The following FMN1 variants were observed in gnomAD, a reference collection of about 807,000 sequenced individuals.
FMN1 encodes formin 1, also known as formin-1.
Under a neutral mutation model 132.4 loss-of-function variants are expected in FMN1, and 110 were observed. That is an observed-to-expected ratio of 0.83 (90% confidence interval 0.71 to 0.97). The LOEUF (loss-of-function observed/expected upper bound fraction) is 0.97, where lower values mean the gene tolerates loss of function less well. FMN1 is among the 50% of genes least tolerant of loss of function. The pLI is 0.00. For synonymous variants in FMN1, 722 were observed against 651.7 expected (o/e 1.11, Z -1.64); for missense variants, 1,792 against 1,705.3 (o/e 1.05, Z -0.90).
At chr15:32,952,220 T>C (rs1032678542) in intron 9 of FMN1, among the ~76,000 whole-genome samples, 3 of 152,204 alleles carry the variant, frequency 2.0e-5, no homozygotes, top group Non-Finnish European at 4.4e-5. Flanking sequence ...GCCTCTCCAA[T>C]GTCTTACTAA....
chr15:32,949,184 T>C (rs2061571113), intron 9 of FMN1, among the ~76,000 whole-genome samples: 1 of 151,892 alleles, frequency 6.6e-6, no homozygotes, highest in African/African-American at 2.4e-5. Flanking sequence ...AATAAGGAAG[T>C]TTTTCCATTT....
chr15:33,092,434 C>T (rs1332034386), intron 4 of FMN1, among the ~76,000 whole-genome samples: 1 of 152,168 alleles, frequency 6.6e-6, no homozygotes, highest in Non-Finnish European at 1.5e-5. Context: ...TTTCCCCTGC[C>T]ACGTGACTTC....
intron 4 of FMN1, among the ~76,000 whole-genome samples, chr15:33,118,726 C>G (rs960765341): frequency 6.6e-6 from 1 of 151,984 alleles, no homozygotes; most frequent in African/African-American, 2.4e-5. Flanking sequence ...AATATTTTCA[C>G]CTATTTTGGT....
At chr15:32,964,326 TTCTC>T in intron 8 of FMN1, 69 bp from the exon 9 acceptor site, 1 of 1,074,228 alleles carries the variant, frequency 9.3e-7, no homozygotes, top group South Asian at 2.0e-5. Context: ...AATGAAATCT[TTCTC>T]TAATCCATTT....
intron 6 of FMN1, among the ~76,000 whole-genome samples, chr15:33,009,806 T>C (rs2034610075): frequency 6.6e-6 from 1 of 152,210 alleles, no homozygotes; most frequent in Non-Finnish European, 1.5e-5. Flanking sequence ...GGTGAATGCA[T>C]AAACAAATGA....
intron 4 of FMN1, among the ~76,000 whole-genome samples, chr15:33,100,223 T>TAAAA: frequency 8.7e-6 from 1 of 115,444 alleles, no homozygotes; most frequent in South Asian, 2.8e-4. Flanking sequence ...ACTTTCACAG[T>TAAAA]AAAAAAAAAA....
Position 33,100,304 on chromosome 15 carries a change from T to C in FMN1, c.1868-11330A>G, listed in dbSNP as rs986191107. 1.7e-4 allele frequency among the ~76,000 whole-genome samples: 26 copies of C among 150,274 alleles called. 1 individual carries two copies. The highest frequency in any genetic ancestry group is 1.7e-3 in the Admixed American group (25 of 15,084). The stretch of plus-strand genomic sequence containing the variant: ...TATAGTATATGAATGCCTCAATAAA[T>C]GAATGTCCTCATATCAATATTAAGA... On this transcript the variant is annotated intron_variant, in intron 4 of 20. Coordinates refer to ENST00000616417, the MANE Select transcript of FMN1 (RefSeq NM_001277313.2).
intron 10 of FMN1, among the ~76,000 whole-genome samples, chr15:32,925,715 G>A (rs1028011932): frequency 8.5e-5 from 13 of 152,134 alleles, no homozygotes; most frequent in African/African-American, 3.1e-4. Flanking sequence ...GAGTAACTAC[G>A]ATTAATGTCT....
intron 4 of FMN1, among the ~76,000 whole-genome samples, chr15:33,121,580 G>A (rs1326732665): frequency 6.6e-6 from 1 of 152,200 alleles, no homozygotes; most frequent in Non-Finnish European, 1.5e-5. Flanking sequence ...CCAGGGTAGA[G>A]TGCAGTGGCG....
chr15:32,910,519 A>G lies in FMN1; in HGVS notation c.3243T>C (p.Asp1081=), dbSNP rs761756231. The G allele has an allele frequency of 1.3e-6, 2 of 1,574,700 alleles. No individual in the cohort carries two copies. The highest frequency in any genetic ancestry group is 3.7e-5 in the Admixed American group (2 of 54,206). ...GGGTCTCCAGATCAACCACGGAGTC[A>G]TCCACATTGAAAATGGCTGCCAAGC... is the stretch of plus-strand genomic sequence containing the variant. ...KDIQQAIFNV[D]DSVVDLETLA... is the part of the protein sequence containing the mutation. Residue 1081 remains aspartate, a synonymous_variant, in exon 11 of 21, where the codon GAT becomes GAC. Transcript: ENST00000616417.
At chr15:32,825,783 T>C (rs1207418949) in intron 17 of FMN1, among the ~76,000 whole-genome samples, 1 of 152,226 alleles carries the variant, frequency 6.6e-6, no homozygotes, top group African/African-American at 2.4e-5. Context: ...CTGTTTAGGA[T>C]TGGCTCTCCT....
At chr15:32,883,158 G>A (rs2059810922) in intron 16 of FMN1, among the ~76,000 whole-genome samples, 1 of 152,162 alleles carries the variant, frequency 6.6e-6, no homozygotes, top group African/African-American at 2.4e-5. Flanking sequence ...GTAATAGGAA[G>A]AGAAAAGGAC....
At chr15:33,188,966 G>A (rs1291194013) in intron 2 of FMN1, among the ~76,000 whole-genome samples, 1 of 152,096 alleles carries the variant, frequency 6.6e-6, no homozygotes, top group African/African-American at 2.4e-5. Flanking sequence ...AAGAGTTACT[G>A]TTGCTTGCTG....
intron 9 of FMN1, among the ~76,000 whole-genome samples, chr15:32,949,474 T>G (rs953038095): frequency 6.6e-6 from 1 of 152,140 alleles, no homozygotes; most frequent in Non-Finnish European, 1.5e-5. Context: ...ATTCAATAAA[T>G]GGTCCTAGGA....
chr15:33,100,521 G>C (rs2039255047), intron 4 of FMN1, among the ~76,000 whole-genome samples: 1 of 152,078 alleles, frequency 6.6e-6, no homozygotes. Flanking sequence ...GGAGGAGGAG[G>C]GGAGGGGTCA....
intron 6 of FMN1, among the ~76,000 whole-genome samples, chr15:33,047,441 A>C (rs1040461167): frequency 1.3e-5 from 2 of 152,198 alleles, no homozygotes; most frequent in African/African-American, 2.4e-5. Context: ...AAACTTTTAT[A>C]AACAGTGCTA....
intron 4 of FMN1, among the ~76,000 whole-genome samples, chr15:33,128,843 A>G (rs2085183): frequency 6.6e-6 from 1 of 152,050 alleles, no homozygotes; most frequent in South Asian, 2.1e-4. Flanking sequence ...AATGCGGAAG[A>G]CAACCGGAGC....
chr15:32,838,926 G>T (rs1199423863), intron 17 of FMN1, among the ~76,000 whole-genome samples: 6 of 152,180 alleles, frequency 3.9e-5, no homozygotes, highest in Non-Finnish European at 7.3e-5. Flanking sequence ...TCCAAAAGAT[G>T]AGTGATGAGT....
intron 17 of FMN1, among the ~76,000 whole-genome samples, chr15:32,835,576 C>T (rs1272951488): frequency 6.6e-6 from 1 of 152,134 alleles, no homozygotes; most frequent in African/African-American, 2.4e-5. Context: ...ACTGTGATTT[C>T]CATGATGTGA....
Sources: gnomAD v4.1 joint callset for allele counts (sites outside exome capture counted in the v4.1 genomes callset) on GRCh38, gnomAD v4.1.1 for gene constraint, MANE v1.5 for transcripts, NCBI Gene and HGNC (gene_info 2026-07-23, HGNC 2026-07-21) for gene names.